SH3BGR: variants seen among roughly 807,000 people sequenced by gnomAD.
The protein encoded by SH3BGR is SH3 domain-binding glutamic acid-rich protein.
A neutral mutation model predicts 24.5 loss-of-function variants in SH3BGR; 29 were observed. The observed-to-expected ratio is 1.18, with a 90% CI of 0.88 to 1.61. SH3BGR has a LOEUF of 1.61. SH3BGR is among the 40% of genes most tolerant of loss of function. SH3BGR has a pLI of 0.00. For missense variants in SH3BGR, 162 were observed against 205.8 expected (o/e 0.79, Z 1.30); for synonymous variants, 55 against 65.7 (o/e 0.84, Z 0.79).
intron 1 of SH3BGR, among the ~76,000 whole-genome samples, chr21:39,453,831 G>A (rs769238139): frequency 4.6e-5 from 7 of 152,220 alleles, no homozygotes; most frequent in South Asian, 4.1e-4. Flanking sequence ...AATGATGTGC[G>A]TGGGTGCCCC....
Position 39,462,441 on chromosome 21 carries a change from GAT to G in SH3BGR, c.115_116del (p.Ile39CysfsTer4), listed in dbSNP as rs1046298699. 1 of 1,610,108 alleles carries G rather than the reference GAT, an allele frequency of 6.2e-7. No homozygotes were observed. The highest frequency in any genetic ancestry group is 8.5e-7 in the Non-Finnish European group (1 of 1,179,194). On this transcript the variant is annotated frameshift_variant, in exon 2 of 7. Transcript: ENST00000333634. LOFTEE classifies it high-confidence loss of function. ...EANKIDFKEL[D>X]IAGDEDNRRW... ...GAATAAAATCGACTTTAAGGAATTA[GAT>G]ATTGCTGGAGATGAAGACAACAGGA...
chr21:39,500,019 G>A (rs1221865062), intron 4 of SH3BGR, 104 bp downstream of exon 4: 1 of 808,636 alleles, frequency 1.2e-6, no homozygotes, highest in East Asian at 2.5e-5. Context: ...TCAGAAAGAG[G>A]GCAAGGAGCT....
At position 39,499,871 on chromosome 21, in the gene SH3BGR, G is replaced by A; in HGVS notation, c.361G>A (p.Gly121Ser). ...EGGETEAQKEGSEDVGNLPEA... is the reference protein window; with the variant it reads ...EGGETEAQKESSEDVGNLPEA... ...TGGAGAAACTGAGGCACAAAAAGAG[G>A]GCAGTGAAGATGTGGGCAACCTCCC... The change falls in exon 4 of 7, where the codon GGC (glycine) becomes AGC (serine). Residue 121 changes from glycine (G) to serine (S), a missense_variant. By Grantham distance (56) the Gly-to-Ser change is moderately conservative (BLOSUM62 0). Coordinates refer to ENST00000333634, the MANE Select transcript of SH3BGR (RefSeq NM_007341.3). The A allele has an allele frequency of 1.2e-6, 2 of 1,613,918 alleles. No homozygotes were observed. Among genetic ancestry groups the A allele is most frequent in the Non-Finnish European group, 1.7e-6 (2 of 1,179,916 alleles).
chr21:39,472,755 A>G (rs2077962843), intron 2 of SH3BGR, among the ~76,000 whole-genome samples: 1 of 152,148 alleles, frequency 6.6e-6, no homozygotes, highest in South Asian at 2.1e-4. Flanking sequence ...TTTCTCATTC[A>G]TATTTACTTT....
chr21:39,456,371 TGTAAG>T (rs2077654609), intron 1 of SH3BGR, among the ~76,000 whole-genome samples: 1 of 152,200 alleles, frequency 6.6e-6, no homozygotes, highest in Admixed American at 6.5e-5. Context: ...TCTGAAAAGA[TGTAAG>T]GGAATAAGTG....
upstream of SH3BGR, chr21:39,451,727 G>GC: frequency 1.3e-6 from 1 of 770,110 alleles, no homozygotes; most frequent in Non-Finnish European, 2.0e-6. Flanking sequence ...ACCTCCCTTG[G>GC]CCCCAAGGCA....
rs1179009143 is a variant in SH3BGR at position 39,499,872 on chromosome 21, G to A, written c.362G>A (p.Gly121Asp). The change falls in exon 4 of 7, where the codon GGC (glycine) becomes GAC (aspartate). Residue 121 changes from glycine to aspartate, a missense_variant. Coordinates refer to ENST00000333634, the MANE Select transcript of SH3BGR (RefSeq NM_007341.3). ...EGGETEAQKE[G>D]SEDVGNLPEA... is the part of the protein sequence containing the mutation. ...GGAGAAACTGAGGCACAAAAAGAGG[G>A]CAGTGAAGATGTGGGCAACCTCCCT... 3.1e-6 allele frequency: 5 copies of A among 1,614,006 alleles called. No homozygotes were observed. Among genetic ancestry groups the A allele is most frequent in the East Asian group, 2.2e-5 (1 of 44,868 alleles).
intron 2 of SH3BGR, among the ~76,000 whole-genome samples, chr21:39,472,404 T>C (rs1321699031): frequency 6.6e-6 from 1 of 152,138 alleles, no homozygotes; most frequent in African/African-American, 2.4e-5. Flanking sequence ...CCTCAACAGC[T>C]CCCCTTAGGC....
In SH3BGR at chr21:39,511,585, G is replaced by A; in HGVS notation, c.436-95G>A. 1 of 1,235,996 alleles carries A rather than the reference G, an allele frequency of 8.1e-7. No homozygotes were observed. 76.6% of individuals were successfully genotyped at this position (1,235,996 alleles called of 1,614,324 possible). On this transcript the variant is annotated intron_variant, in intron 5 of 6. Coordinates refer to ENST00000333634, the MANE Select transcript of SH3BGR (RefSeq NM_007341.3). This position sits in a 1 kb window ranked among gnomAD's most constrained non-coding sequence, Gnocchi z 4.2. Reference sequence around the variant, plus strand: ...TGTGTTGTGTGGTGGGGTGTGGGAGGCTTTGACCTCTAGTCCAGCATTTTA... The same window carrying A: ...TGTGTTGTGTGGTGGGGTGTGGGAGACTTTGACCTCTAGTCCAGCATTTTA...
chr21:39,509,029 T>G lies in SH3BGR; in HGVS notation c.435+2T>G. The G allele has an allele frequency of 6.2e-7, 1 of 1,608,648 alleles. No homozygotes were observed. Among genetic ancestry groups the G allele is most frequent in the Non-Finnish European group, 8.5e-7 (1 of 1,176,804 alleles). On this transcript the variant is annotated splice_donor_variant, in intron 5 of 6. Coordinates refer to ENST00000333634, the MANE Select transcript of SH3BGR (RefSeq NM_007341.3). LOFTEE classifies it high-confidence loss of function. ...GAAGGAGAGACAGCCACAGAAGAGG[T>G]ACGGTCGACCATCTTTAACAGCTGT...
intron 4 of SH3BGR, among the ~76,000 whole-genome samples, chr21:39,504,297 C>G (rs977280918): frequency 6.6e-6 from 1 of 152,148 alleles, no homozygotes; most frequent in Non-Finnish European, 1.5e-5. Context: ...GGGTCTCAGC[C>G]TGGGTCCCTG....
chr21:39,499,955 C>T (rs376379973), intron 4 of SH3BGR, 40 bp downstream of exon 4: 1 of 1,427,798 alleles, frequency 7.0e-7, no homozygotes, highest in African/African-American at 1.4e-5. Flanking sequence ...ACTGGATTCT[C>T]TGCTGTTCGA....
intron 3 of SH3BGR, among the ~76,000 whole-genome samples, chr21:39,482,976 A>G (rs2078155882): frequency 6.6e-6 from 1 of 152,190 alleles, no homozygotes; most frequent in Non-Finnish European, 1.5e-5. Context: ...GCCTGGAGCA[A>G]TAAGGATTTG....
intron 1 of SH3BGR, among the ~76,000 whole-genome samples, chr21:39,459,100 A>G (rs958887292): frequency 2.6e-5 from 4 of 151,982 alleles, no homozygotes; most frequent in Non-Finnish European, 5.9e-5. Context: ...ACTTGGCACA[A>G]TGTCTTGTGC....
chr21:39,506,078 A>G (rs1396464337), intron 4 of SH3BGR, among the ~76,000 whole-genome samples: 2 of 152,332 alleles, frequency 1.3e-5, no homozygotes, highest in East Asian at 3.9e-4. Context: ...CTTCTATCCA[A>G]TCACTAACAC....
At chr21:39,447,398 T>C (rs961585273), upstream of SH3BGR, among the ~76,000 whole-genome samples, 1 of 151,544 alleles carries the variant, frequency 6.6e-6, no homozygotes, top group Non-Finnish European at 1.5e-5. Flanking sequence ...CTTGAATCTT[T>C]CTTTGCTTTC....
chr21:39,454,627 C>T (rs372409079), intron 1 of SH3BGR, among the ~76,000 whole-genome samples: 8 of 152,154 alleles, frequency 5.3e-5, no homozygotes, highest in African/African-American at 1.7e-4. Flanking sequence ...CCCCTGGAAC[C>T]GATCTTTAAG....
At chr21:39,451,797 G>C (rs1256104814), upstream of SH3BGR, 2 of 1,191,956 alleles carry the variant, frequency 1.7e-6, no homozygotes, top group Non-Finnish European at 1.2e-6. Context: ...GACTGTTGTC[G>C]CGCGTTTAAA....
chr21:39,479,638 G>A (rs1484897014), intron 3 of SH3BGR, among the ~76,000 whole-genome samples: 1 of 152,114 alleles, frequency 6.6e-6, no homozygotes, highest in East Asian at 1.9e-4. Flanking sequence ...ACTTCAGCTG[G>A]CCTCATGCCC....
Sources: gnomAD v4.1 joint callset for allele counts (sites outside exome capture counted in the v4.1 genomes callset) on GRCh38, gnomAD v4.1.1 for gene constraint, Gnocchi (gnomAD v3.1) non-coding constraint, MANE v1.5 for transcripts, NCBI Gene and HGNC (gene_info 2026-07-23, HGNC 2026-07-21) for gene names.